The following DNAJC3 variants were observed in gnomAD, a reference collection of about 807,000 sequenced individuals.
DNAJC3 encodes DnaJ heat shock protein family (Hsp40) member C3.
Under a neutral mutation model 68.6 loss-of-function variants are expected in DNAJC3, and 38 were observed. That is an observed-to-expected ratio of 0.55 (90% CI 0.43 to 0.73). The LOEUF (loss-of-function observed/expected upper bound fraction) is 0.73. DNAJC3 is among the 30% of genes least tolerant of loss of function. DNAJC3 has a pLI of 0.00. For missense variants in DNAJC3, 526 were observed against 591.9 expected, an observed-to-expected ratio of 0.89 and a Z score of 1.16; for synonymous variants, 203 against 204.0, an observed-to-expected ratio of 1.00 and a Z score of 0.04.
intron 9 of DNAJC3, among the ~76,000 whole-genome samples, chr13:95,773,731 C>CTTTTTTT (rs143145399): frequency 2.8e-4 from 20 of 71,338 alleles, no homozygotes; most frequent in Admixed American, 7.5e-4. Flanking sequence ...TTTTGTTGGT[C>CTTTTTTT]TTTTTTTTTT....
chr13:95,728,717 A>G (rs769370963), intron 4 of DNAJC3, among the ~76,000 whole-genome samples: 11 of 152,224 alleles, frequency 7.2e-5, no homozygotes, highest in Non-Finnish European at 1.6e-4. Flanking sequence ...TTTGAGGAAC[A>G]TGTGATGCCT....
At chr13:95,736,265 A>C (rs1333035806) in intron 4 of DNAJC3, among the ~76,000 whole-genome samples, 5 of 152,106 alleles carry the variant, frequency 3.3e-5, no homozygotes, top group African/African-American at 1.2e-4. Context: ...TGATGCCTCC[A>C]GCTTTGTTCT....
intron 1 of DNAJC3, among the ~76,000 whole-genome samples, chr13:95,704,150 G>A (rs939067096): frequency 1.7e-4 from 26 of 152,190 alleles, no homozygotes; most frequent in Admixed American, 1.4e-3. Context: ...CCAATTAATC[G>A]GAAACATTGT....
At chr13:95,772,995 A>C (rs1455307025) in intron 9 of DNAJC3, among the ~76,000 whole-genome samples, 1 of 151,974 alleles carries the variant, frequency 6.6e-6, no homozygotes, top group Non-Finnish European at 1.5e-5. Flanking sequence ...AAACAGTTCA[A>C]AATTGTCCCT....
chr13:95,689,506 C>A (rs1880170179), intron 1 of DNAJC3, among the ~76,000 whole-genome samples: 1 of 151,634 alleles, frequency 6.6e-6, no homozygotes, highest in Non-Finnish European at 1.5e-5. Context: ...GTTAGTCTAG[C>A]TAGTGGTCTG....
intron 4 of DNAJC3, chr13:95,744,786 C>T (rs904562755): frequency 3.3e-5 from 5 of 152,126 alleles, no homozygotes; most frequent in Non-Finnish European, 7.4e-5. Flanking sequence ...AGGCAGGTAA[C>T]ACAAGAAATA....
intron 4 of DNAJC3, among the ~76,000 whole-genome samples, chr13:95,731,382 T>G (rs1178909433): frequency 2.0e-5 from 3 of 152,212 alleles, no homozygotes; most frequent in Non-Finnish European, 4.4e-5. Context: ...GTTTCAGTTC[T>G]TAGAGGAAAG....
Position 95,723,188 on chromosome 13 carries a change from T to A in DNAJC3, c.194-54T>A, listed in dbSNP as rs3087340. ...ACTGTCCAGGTGATTTGTTTTTTTT[T>A]AAATTTTTATTTTTGAATAAATGAC... On this transcript the variant is annotated intron_variant, in intron 2 of 11. Transcript: ENST00000602402. The A allele has an allele frequency of 2.0e-3, 2,967 of 1,514,524 alleles. 46 individuals carry two copies. In the African/African-American group the frequency reaches 0.029, roughly 15 times the overall value. 93.8% of individuals were successfully genotyped at this position (1,514,524 alleles called of 1,614,324 possible).
intron 11 of DNAJC3, among the ~76,000 whole-genome samples, chr13:95,788,293 G>A (rs772352893): frequency 3.9e-5 from 6 of 152,216 alleles, no homozygotes; most frequent in Non-Finnish European, 5.9e-5. Flanking sequence ...TTTGTGCAGT[G>A]CACAGGTGTG....
At chr13:95,757,826 GCCTGACA>G in intron 5 of DNAJC3, 30 bp downstream of exon 5, 1 of 1,497,558 alleles carries the variant, frequency 6.7e-7, no homozygotes, top group Non-Finnish European at 9.1e-7. Context: ...CAGTTGACCA[GCCTGACA>G]CTTATTGTAA....
chr13:95,719,186 A>G (rs1198258969), intron 2 of DNAJC3, among the ~76,000 whole-genome samples: 2 of 152,236 alleles, frequency 1.3e-5, no homozygotes, highest in Non-Finnish European at 2.9e-5. Flanking sequence ...GAAGAGATGC[A>G]TAGGGCCAGG....
intron 4 of DNAJC3, among the ~76,000 whole-genome samples, chr13:95,746,736 A>G (rs1043659053): frequency 1.3e-5 from 2 of 152,306 alleles, no homozygotes; most frequent in East Asian, 1.9e-4. Context: ...CATCTTACTA[A>G]TGTGGTGCTG....
In DNAJC3 at chr13:95,677,148, G is replaced by A; in HGVS notation, c.-108G>A. The A allele has an allele frequency of 2.1e-6, 2 of 975,092 alleles. No individual in the cohort carries two copies. The highest frequency in any genetic ancestry group is 3.2e-5 in the South Asian group (2 of 62,526). 60.4% of individuals were successfully genotyped at this position (975,092 alleles called of 1,614,324 possible). Reference sequence around the variant, plus strand: ...TCCTCTGCTGGGCTCCAGAGCCACTGAGGCCTGAGCGAGAGCCGACGGCGG... The same window carrying A: ...TCCTCTGCTGGGCTCCAGAGCCACTAAGGCCTGAGCGAGAGCCGACGGCGG... On this transcript the variant is annotated 5_prime_UTR_variant, in exon 1 of 12. Coordinates refer to ENST00000602402, the MANE Select transcript of DNAJC3 (RefSeq NM_006260.5).
chr13:95,694,767 G>C (rs1793182431), intron 1 of DNAJC3: 1 of 152,510 alleles, frequency 6.6e-6, no homozygotes, highest in Non-Finnish European at 1.5e-5. Flanking sequence ...CTCTTCAGTT[G>C]CCCATATCAA....
rs1013188109 is a variant in DNAJC3 at position 95,794,681 on chromosome 13, C to T, written c.*3651C>T. 6.6e-6 allele frequency: 1 copy of T among 152,162 alleles called. No homozygotes were observed. Among genetic ancestry groups the T allele is most frequent in the Non-Finnish European group, 1.5e-5 (1 of 68,030 alleles). 9.4% of individuals were successfully genotyped at this position (152,162 alleles called of 1,614,324 possible). ...GATTTAAGAGTAAAATTAGCCACTG[C>T]GTGGCTTTGTGTATAGTAACCGGTT... On this transcript the variant is annotated 3_prime_UTR_variant, in exon 12 of 12. Coordinates refer to ENST00000602402, the MANE Select transcript of DNAJC3 (RefSeq NM_006260.5).
At chr13:95,771,402 A>G (rs1259021816) in intron 9 of DNAJC3, among the ~76,000 whole-genome samples, 2 of 152,044 alleles carry the variant, frequency 1.3e-5, no homozygotes, top group African/African-American at 4.8e-5. Flanking sequence ...TACTGGGGAG[A>G]GAGATTGGGT....
At chr13:95,697,072 G>T (rs147313575) in intron 1 of DNAJC3, among the ~76,000 whole-genome samples, 192 of 152,260 alleles carry the variant, frequency 1.3e-3, no homozygotes, top group Non-Finnish European at 2.2e-3. Flanking sequence ...AGTGTTGTTA[G>T]CTAGTTGCCT....
intron 9 of DNAJC3, among the ~76,000 whole-genome samples, chr13:95,771,515 G>T (rs1461154860): frequency 6.6e-6 from 1 of 152,146 alleles, no homozygotes; most frequent in Non-Finnish European, 1.5e-5. Flanking sequence ...CAGACTATGT[G>T]TTGAAGGCAG....
At chr13:95,718,823 A>G (rs749994720) in intron 2 of DNAJC3, among the ~76,000 whole-genome samples, 5 of 152,190 alleles carry the variant, frequency 3.3e-5, no homozygotes, top group African/African-American at 4.8e-5. Context: ...CTGGTCACCA[A>G]AATGTGTGGG....
Sources: allele counts gnomAD v4.1 joint callset (sites outside exome capture counted in the v4.1 genomes callset), GRCh38; gene constraint gnomAD v4.1.1; transcripts MANE v1.5; gene names NCBI Gene and HGNC (gene_info 2026-07-23, HGNC 2026-07-21).